The following TLL1 variants were observed in gnomAD, a reference collection of about 807,000 sequenced individuals.
TLL1 encodes the protein tolloid like 1, also known as tolloid-like protein 1.
Under a neutral mutation model 128.2 loss-of-function variants are expected in TLL1, and 49 were observed. The observed-to-expected ratio is 0.38, with a 90% confidence interval of 0.30 to 0.48. TLL1 has a LOEUF of 0.48. Ranked by LOEUF, TLL1 falls within the 20% of genes least tolerant of loss-of-function variation. TLL1 has a pLI of 0.96. For synonymous variants in TLL1, 454 were observed against 418.8 expected (o/e 1.08, Z -1.03); for missense variants, 1,123 against 1,242.0 (o/e 0.90, Z 1.44).
chr4:165,887,701 C>A (rs373687241), intron 1 of TLL1, among the ~76,000 whole-genome samples: 1 of 152,114 alleles, frequency 6.6e-6, no homozygotes, highest in East Asian at 1.9e-4. Context: ...TGTCAAGCCT[C>A]AACATTTACA....
intron 1 of TLL1, among the ~76,000 whole-genome samples, chr4:165,914,276 A>G (rs1392530311): frequency 2.6e-5 from 4 of 152,202 alleles, no homozygotes; most frequent in Non-Finnish European, 5.9e-5. Flanking sequence ...TAAAAATGTT[A>G]TATTTATATA....
chr4:166,041,933 T>G (rs1471671616), intron 10 of TLL1, 94 bp from the exon 11 acceptor site: 2 of 841,878 alleles, frequency 2.4e-6, no homozygotes, highest in Non-Finnish European at 4.0e-6. Flanking sequence ...GTGAACCAAA[T>G]CGGTGTTTAC....
chr4:165,875,039 G>C (rs1186793123), intron 1 of TLL1: 3 of 152,582 alleles, frequency 2.0e-5, no homozygotes, highest in African/African-American at 4.8e-5. Flanking sequence ...TCCGCGCTCA[G>C]TGTGGACGCA....
intron 16 of TLL1, among the ~76,000 whole-genome samples, chr4:166,073,777 C>T (rs991900990): frequency 1.3e-5 from 2 of 151,964 alleles, no homozygotes; most frequent in African/African-American, 4.8e-5. Flanking sequence ...AACCTTTTTC[C>T]ATGGAATGAA....
rs186415471 is a variant in TLL1 at position 166,030,454 on chromosome 4, T to C, written c.1158+5023T>C. On this transcript the variant is annotated intron_variant, in intron 9 of 20. Transcript: ENST00000061240. ...CATATATTTTCTCCTCCTTCACAGG[T>C]TGTATTTTCACTCTGTTGATTGTGT... The C allele has an allele frequency of 1.5e-4, 88 of 595,192 alleles. No individual in the cohort carries two copies. In the East Asian group the frequency reaches 2.3e-3, roughly 15 times the overall value. 36.9% of individuals were successfully genotyped at this position (595,192 alleles called of 1,614,324 possible). A position where few individuals can be genotyped will look rare whatever the true frequency, so the allele number is the denominator to read the frequency against.
Position 166,074,918 on chromosome 4 carries a change from C to A in TLL1, c.2229C>A (p.His743Gln). The change falls in exon 17 of 21, where the codon CAC (histidine) becomes CAA (glutamine). Residue 743 changes from histidine to glutamine, a missense_variant. His to Gln is a conservative substitution (Grantham distance 24, BLOSUM62 0). Transcript: ENST00000061240. ...CTAAGGATAATGGTGGATGTCAGCA[C>A]GAATGTGTCAACACGATGGGGAGCT... ...ECSKDNGGCQ[H>Q]ECVNTMGSYM... 6.2e-7 allele frequency: 1 copy of A among 1,613,560 alleles called. No individual in the cohort carries two copies. Among genetic ancestry groups the A allele is most frequent in the Non-Finnish European group, 8.5e-7 (1 of 1,179,650 alleles).
At chr4:165,926,554 G>A (rs1579495961) in intron 1 of TLL1, among the ~76,000 whole-genome samples, 1 of 152,142 alleles carries the variant, frequency 6.6e-6, no homozygotes, top group South Asian at 2.1e-4. Flanking sequence ...GGCAGAGGGG[G>A]GAGTCCTCTG....
chr4:166,063,414 AT>A (rs1740428425), intron 15 of TLL1, among the ~76,000 whole-genome samples: 1 of 152,212 alleles, frequency 6.6e-6, no homozygotes, highest in African/African-American at 2.4e-5. Flanking sequence ...TAGTTCAACC[AT>A]TGTGGAAGAC....
intron 1 of TLL1, among the ~76,000 whole-genome samples, chr4:165,895,253 A>G (rs889416306): frequency 1.3e-5 from 2 of 152,138 alleles, no homozygotes; most frequent in Admixed American, 6.5e-5. Context: ...TGGAAATCCA[A>G]TGGAATTCCT....
At chr4:166,086,663 C>T (rs1485374206) in intron 18 of TLL1, among the ~76,000 whole-genome samples, 2 of 152,084 alleles carry the variant, frequency 1.3e-5, no homozygotes, top group African/African-American at 4.8e-5. Flanking sequence ...GCCTCAGAAG[C>T]CCTTGAATGT....
intron 15 of TLL1, among the ~76,000 whole-genome samples, chr4:166,062,132 A>C (rs1321805122): frequency 6.6e-6 from 1 of 152,166 alleles, no homozygotes; most frequent in East Asian, 1.9e-4. Context: ...CTTGTAGTAT[A>C]GTTTGAAGTC....
chr4:166,082,111 G>T (rs1741311378), intron 18 of TLL1, among the ~76,000 whole-genome samples: 1 of 152,138 alleles, frequency 6.6e-6, no homozygotes, highest in Non-Finnish European at 1.5e-5. Flanking sequence ...ATTGGAGTTT[G>T]TGTTTTTTGT....
At chr4:166,044,412 T>C (rs965641180) in intron 12 of TLL1, 6 of 1,535,554 alleles carry the variant, frequency 3.9e-6, no homozygotes, top group Non-Finnish European at 5.2e-6. Flanking sequence ...CCAGAGAATC[T>C]CTCATCCTCA....
chr4:166,044,540 A>G, intron 12 of TLL1: 1 of 981,504 alleles, frequency 1.0e-6, no homozygotes, highest in African/African-American at 1.6e-5. Flanking sequence ...TTCTACTTTA[A>G]TCATTATGTT....
At chr4:166,036,789 C>CTGTGTGTGTGTGTG (rs3047083) in intron 9 of TLL1, among the ~76,000 whole-genome samples, 1 of 145,122 alleles carries the variant, frequency 6.9e-6, no homozygotes, top group African/African-American at 2.6e-5. Flanking sequence ...CCCTATCCAA[C>CTGTGTGTGTGTGTG]TGTGTGTGTG....
chr4:165,948,645 T>A (rs1734369002), intron 1 of TLL1, among the ~76,000 whole-genome samples: 1 of 152,118 alleles, frequency 6.6e-6, no homozygotes. Context: ...CAGGCTTCTC[T>A]TCCTGTCCCA....
At chr4:166,030,524 T>C (rs894420363) in intron 9 of TLL1, 1 of 612,132 alleles carries the variant, frequency 1.6e-6, no homozygotes, top group Non-Finnish European at 3.0e-6. Flanking sequence ...ATACCACTTG[T>C]CTACTTTTAG....
At chr4:165,884,934 A>C (rs577083070) in intron 1 of TLL1, among the ~76,000 whole-genome samples, 1 of 152,294 alleles carries the variant, frequency 6.6e-6, no homozygotes, top group East Asian at 1.9e-4. Flanking sequence ...TCTGTTCTTC[A>C]CACTGTATCC....
intron 1 of TLL1, among the ~76,000 whole-genome samples, chr4:165,896,404 T>C (rs1363990835): frequency 6.6e-6 from 1 of 152,096 alleles, no homozygotes; most frequent in Admixed American, 6.6e-5. Flanking sequence ...CGTGTGCATG[T>C]GTCTTTATAG....
Sources: gnomAD v4.1 joint callset for allele counts (sites outside exome capture counted in the v4.1 genomes callset) on GRCh38, gnomAD v4.1.1 for gene constraint, MANE v1.5 for transcripts, NCBI Gene and HGNC (gene_info 2026-07-23, HGNC 2026-07-21) for gene names.